XPO6: variants seen among roughly 807,000 people sequenced by gnomAD.
XPO6 encodes the protein exportin-6.
A neutral mutation model predicts 130.0 loss-of-function variants in XPO6; 3 were observed. The observed-to-expected ratio is 0.02, with a 90% CI of 0.01 to 0.06. XPO6 has a LOEUF of 0.06. Among genes scored for constraint, XPO6 ranks in the 10% least tolerant of loss-of-function variants. The probability of loss-of-function intolerance (pLI) is 1.00; values close to 1 mark genes in which losing one functional copy is unlikely to be tolerated. For missense variants in XPO6, 970 were observed against 1,393.0 expected, an observed-to-expected ratio of 0.70 and a Z score of 4.83; for synonymous variants, 524 against 548.9, an observed-to-expected ratio of 0.95 and a Z score of 0.63.
chr16:28,104,154 C>T (rs1218342510), intron 21 of XPO6, among the ~76,000 whole-genome samples: 3 of 152,210 alleles, frequency 2.0e-5, no homozygotes, highest in Admixed American at 1.3e-4. Flanking sequence ...GAGTCAGAAT[C>T]ACAGTGCAGG....
At chr16:28,157,532 C>T (rs2043203161) in intron 6 of XPO6, among the ~76,000 whole-genome samples, 1 of 152,136 alleles carries the variant, frequency 6.6e-6, no homozygotes, top group Non-Finnish European at 1.5e-5. Flanking sequence ...AGGCAGACAA[C>T]AGACTGTGAG....
intron 9 of XPO6, among the ~76,000 whole-genome samples, chr16:28,144,455 C>T (rs1356889617): frequency 1.3e-5 from 2 of 152,210 alleles, no homozygotes; most frequent in African/African-American, 4.8e-5. Context: ...GCCTGGAGAG[C>T]AGTGGCCAGC....
Position 28,133,822 on chromosome 16 carries a change from C to A in XPO6, c.1536+19G>T, listed in dbSNP as rs752418787. The A allele has an allele frequency of 8.7e-6, 14 of 1,613,092 alleles. No homozygotes were observed. The highest frequency in any genetic ancestry group is 1.1e-5 in the Non-Finnish European group (13 of 1,179,416). On this transcript the variant is annotated intron_variant, in intron 11 of 23. Coordinates refer to ENST00000304658, the MANE Select transcript of XPO6 (RefSeq NM_015171.4). Reference sequence around the variant, plus strand: ...CAGAGAAATCGCTACACTCTCCACTCCCCCGGACAGCACATTACCAGTGTG... The same window carrying A: ...CAGAGAAATCGCTACACTCTCCACTACCCCGGACAGCACATTACCAGTGTG...
At chr16:28,174,798 A>G (rs1389052631) in intron 4 of XPO6, among the ~76,000 whole-genome samples, 4 of 152,230 alleles carry the variant, frequency 2.6e-5, no homozygotes, top group African/African-American at 7.2e-5. Context: ...AACAATTTTC[A>G]AAGAACTTTA....
At position 28,156,523 on chromosome 16, in the gene XPO6, G is replaced by A. The variant is rs2043186630; in HGVS notation, c.648C>T (p.Asp216=). Reference sequence around the variant, plus strand: ...GACTCTGCAACAGGTTACTCAGTAAGTCACCTGAAAATAAGAAAGGCTTTT... The same window carrying A: ...GACTCTGCAACAGGTTACTCAGTAAATCACCTGAAAATAAGAAAGGCTTTT... The part of the protein sequence containing the change: ...PPSPTSGESG[D]LLSNLLQSPS... Residue 216 remains aspartate (D), a synonymous_variant, in exon 7 of 24, where the codon GAC becomes GAT. Coordinates refer to ENST00000304658, the MANE Select transcript of XPO6 (RefSeq NM_015171.4). 6.5e-7 allele frequency: 1 copy of A among 1,538,314 alleles called. No individual in the cohort carries two copies. Among genetic ancestry groups the A allele is most frequent in the African/African-American group, 1.4e-5 (1 of 72,430 alleles).
intron 12 of XPO6, among the ~76,000 whole-genome samples, chr16:28,131,710 C>T (rs1482638218): frequency 6.6e-6 from 1 of 152,188 alleles, no homozygotes; most frequent in Non-Finnish European, 1.5e-5. Flanking sequence ...ACTTACACCT[C>T]ACAGGACGAT....
intron 17 of XPO6, 24 bp downstream of exon 17, chr16:28,111,793 T>C (rs1186711540): frequency 1.0e-5 from 16 of 1,607,404 alleles, no homozygotes; most frequent in Non-Finnish European, 1.3e-5. Flanking sequence ...CTTCCCCAGC[T>C]GTCCTAGCCT....
intron 7 of XPO6, chr16:28,153,391 C>T (rs1168947888): frequency 1.2e-5 from 12 of 985,006 alleles, no homozygotes; most frequent in Non-Finnish European, 1.4e-5. Context: ...TAGTCTGATG[C>T]TTCCGTTTTG....
chr16:28,158,162 A>C (rs1023204474), intron 6 of XPO6, among the ~76,000 whole-genome samples: 2 of 152,218 alleles, frequency 1.3e-5, no homozygotes, highest in Non-Finnish European at 1.5e-5. Context: ...ACATGGACAC[A>C]AAACAGTAAG....
intron 15 of XPO6, 55 bp from the exon 16 acceptor site, chr16:28,113,105 G>T: frequency 6.4e-7 from 1 of 1,571,488 alleles, no homozygotes; most frequent in South Asian, 1.2e-5. Flanking sequence ...ACTGGGATTC[G>T]AACTTTGCTG....
rs546439749 is a variant in XPO6, at chr16:28,139,421, T to C, written c.1335-4097A>G. Among the ~76,000 whole-genome samples the C allele has an allele frequency of 1.8e-4, 28 of 152,116 alleles. No individual in the cohort carries two copies. In the South Asian group the frequency reaches 5.2e-3, roughly 28 times the overall value. On this transcript the variant is annotated intron_variant, in intron 9 of 23. Coordinates refer to ENST00000304658, the MANE Select transcript of XPO6 (RefSeq NM_015171.4). Reference sequence around the variant, plus strand: ...TGTTATGGTAGCCCAATCTAACTAATAGAGAAGGTAAACAATATGAGAAAG... The same window carrying C: ...TGTTATGGTAGCCCAATCTAACTAACAGAGAAGGTAAACAATATGAGAAAG...
At chr16:28,187,180 T>C (rs963884025) in intron 1 of XPO6, among the ~76,000 whole-genome samples, 19 of 152,292 alleles carry the variant, frequency 1.2e-4, no homozygotes, top group Admixed American at 1.0e-3. Context: ...TCACTCGCCA[T>C]AGGAAGCCAC....
intron 4 of XPO6, among the ~76,000 whole-genome samples, chr16:28,170,597 T>G (rs779532375): frequency 6.6e-6 from 1 of 152,210 alleles, no homozygotes; most frequent in Non-Finnish European, 1.5e-5. Flanking sequence ...GATTAAGATG[T>G]GTAAATCAAT....
intron 14 of XPO6, among the ~76,000 whole-genome samples, chr16:28,117,991 G>A (rs950139691): frequency 1.3e-5 from 2 of 152,258 alleles, no homozygotes; most frequent in South Asian, 2.1e-4. Context: ...TGACTGCATC[G>A]TACATGCAAC....
At chr16:28,151,361 C>G (rs1260226555) in intron 8 of XPO6, among the ~76,000 whole-genome samples, 2 of 152,166 alleles carry the variant, frequency 1.3e-5, no homozygotes, top group East Asian at 3.8e-4. Flanking sequence ...AGTGAACTTG[C>G]AAACAATGAC....
At position 28,104,823 on chromosome 16, in the gene XPO6, C is replaced by T. The variant is rs1417125427; in HGVS notation, c.2785-116G>A. ...TGACAGCAAGCCGAGTGTCAACACT[C>T]CATCCACATGCCTGTCACTACCTGC... On this transcript the variant is annotated intron_variant, in intron 20 of 23. Transcript: ENST00000304658. The T allele has an allele frequency of 8.6e-6, 10 of 1,158,964 alleles. No individual in the cohort carries two copies. In the Admixed American group the frequency reaches 2.2e-4, roughly 25 times the overall value. The allele number at this position is 1,158,964 out of a possible 1,614,324, so 71.8% of individuals were successfully genotyped here. A position where few individuals can be genotyped will look rare whatever the true frequency, so the allele number is the denominator to read the frequency against.
At chr16:28,111,770 G>A in intron 17 of XPO6, 47 bp downstream of exon 17, 1 of 1,593,974 alleles carries the variant, frequency 6.3e-7, no homozygotes, top group Non-Finnish European at 8.6e-7. Context: ...AAAGAACAAT[G>A]CCTGCCTACC....
chr16:28,129,630 C>T (rs1199713176), intron 12 of XPO6, among the ~76,000 whole-genome samples: 2 of 152,146 alleles, frequency 1.3e-5, no homozygotes, highest in African/African-American at 2.4e-5. Flanking sequence ...ATAATTTAGT[C>T]TTCTCTTTTT....
At chr16:28,205,676 G>A (rs147048530) in intron 1 of XPO6, among the ~76,000 whole-genome samples, 60 of 152,220 alleles carry the variant, frequency 3.9e-4, no homozygotes, top group African/African-American at 1.4e-3. Context: ...GCAGTGACTC[G>A]CTGTGTGACC....
Sources: allele counts gnomAD v4.1 joint callset (sites outside exome capture counted in the v4.1 genomes callset), GRCh38; gene constraint gnomAD v4.1.1; transcripts MANE v1.5; gene names NCBI Gene and HGNC (gene_info 2026-07-23, HGNC 2026-07-21).